The following RIC8B variants were observed in gnomAD, a reference collection of about 807,000 sequenced individuals.
RIC8B encodes chaperone Ric-8B.
Under a neutral mutation model 57.5 loss-of-function variants are expected in RIC8B, and 16 were observed. The observed-to-expected ratio is 0.28, with a 90% confidence interval of 0.19 to 0.42. The LOEUF is 0.42. Among genes scored for constraint, RIC8B ranks in the 10% least tolerant of loss-of-function variants. The pLI is 1.00. For synonymous variants in RIC8B, 216 were observed against 250.8 expected (o/e 0.86, Z 1.31); for missense variants, 481 against 677.0 (o/e 0.71, Z 3.21).
intron 4 of RIC8B, among the ~76,000 whole-genome samples, chr12:106,830,668 A>G (rs2046315763): frequency 6.6e-6 from 1 of 152,172 alleles, no homozygotes; most frequent in African/African-American, 2.4e-5. Context: ...ATAGCTGAAC[A>G]CTGGTCTTAG....
At chr12:106,799,981 C>G (rs891630814) in intron 2 of RIC8B, among the ~76,000 whole-genome samples, 24 of 152,222 alleles carry the variant, frequency 1.6e-4, no homozygotes, top group African/African-American at 5.5e-4. Flanking sequence ...GATTTCCTTT[C>G]GAAGCCTTTT....
chr12:106,872,445 G>A (rs1435947051), intron 9 of RIC8B, among the ~76,000 whole-genome samples: 1 of 152,060 alleles, frequency 6.6e-6, no homozygotes, highest in African/African-American at 2.4e-5. Flanking sequence ...GAGGCAGGTG[G>A]ATCACCTGAG....
chr12:106,814,582 A>T (rs1055707282), intron 2 of RIC8B, 114 bp from the exon 3 acceptor site: 5 of 1,138,722 alleles, frequency 4.4e-6, no homozygotes, highest in Non-Finnish European at 6.2e-6. Context: ...AAAATAATAA[A>T]AACCTTTTCT....
chr12:106,843,007 A>G (rs1276070849), intron 5 of RIC8B, among the ~76,000 whole-genome samples, 190 bp downstream of exon 5: 1 of 152,176 alleles, frequency 6.6e-6, no homozygotes, highest in Admixed American at 6.5e-5. Flanking sequence ...AGCCATGTTA[A>G]TTTATTTGTT....
intron 9 of RIC8B, among the ~76,000 whole-genome samples, chr12:106,885,476 A>G (rs1305387258): frequency 6.6e-6 from 1 of 152,054 alleles, no homozygotes; most frequent in Admixed American, 6.6e-5. Context: ...CATTGAATGA[A>G]GTGTATGCAT....
In RIC8B at chr12:106,856,607, T is replaced by C. The variant is rs114913932; in HGVS notation, c.1307-3661T>C. Among the ~76,000 whole-genome samples, 1,497 of 152,292 alleles carry C rather than the reference T, an allele frequency of 9.8e-3. 25 individuals are homozygous for C. The highest frequency in any genetic ancestry group is 0.034 in the African/African-American group (1,429 of 41,538). ...AGACCTTCCAGGCAGAGTTCGTCAT[T>C]TTCTCCTTTGTGCCATTTTTCCTTC... On this transcript the variant is annotated intron_variant, in intron 7 of 9. Coordinates refer to ENST00000392837, the MANE Select transcript of RIC8B (RefSeq NM_001330145.2).
At chr12:106,870,630 A>G (rs1420329834) in intron 8 of RIC8B, among the ~76,000 whole-genome samples, 193 bp from the exon 9 acceptor site, 1 of 152,048 alleles carries the variant, frequency 6.6e-6, no homozygotes, top group African/African-American at 2.4e-5. Flanking sequence ...AGTATAGCCC[A>G]TTTCCCAAAG....
At chr12:106,834,529 T>C (rs2046497266) in intron 4 of RIC8B, among the ~76,000 whole-genome samples, 1 of 152,186 alleles carries the variant, frequency 6.6e-6, no homozygotes, top group East Asian at 1.9e-4. Flanking sequence ...CTTCTCTCAA[T>C]TTTAATACTT....
At chr12:106,788,157 A>T (rs951426155) in intron 2 of RIC8B, among the ~76,000 whole-genome samples, 3 of 152,212 alleles carry the variant, frequency 2.0e-5, no homozygotes, top group Non-Finnish European at 4.4e-5. Flanking sequence ...GCAGGGCAGT[A>T]AAATTTTAAA....
chr12:106,886,578 C>G lies in RIC8B; in HGVS notation c.*563C>G, dbSNP rs549063708. 6.5e-6 allele frequency: 1 copy of G among 152,758 alleles called. No homozygotes were observed. Among genetic ancestry groups the G allele is most frequent in the South Asian group, 2.1e-4 (1 of 4,832 alleles). The allele number at this position is 152,758 out of a possible 1,614,324, so 9.5% of individuals were successfully genotyped here. ...ACACACACAGCCTCAGACTTACAAACTGATTATACTCTAAAAGTTTGTATG... is the reference window on the plus strand; with the variant it reads ...ACACACACAGCCTCAGACTTACAAAGTGATTATACTCTAAAAGTTTGTATG... On this transcript the variant is annotated 3_prime_UTR_variant, in exon 10 of 10. Transcript: ENST00000392837.
chr12:106,837,268 AG>A (rs1442458640), intron 4 of RIC8B, among the ~76,000 whole-genome samples: 13 of 152,254 alleles, frequency 8.5e-5, no homozygotes, highest in African/African-American at 2.9e-4. Context: ...AGGCTGAGGC[AG>A]GAGAATCGCT....
At chr12:106,828,751 A>AT (rs2136344840) in intron 4 of RIC8B, among the ~76,000 whole-genome samples, 1 of 152,342 alleles carries the variant, frequency 6.6e-6, no homozygotes, top group African/African-American at 2.4e-5. Context: ...TATGATAAAC[A>AT]TACTGGATTT....
chr12:106,817,230 T>C (rs1422837091), intron 3 of RIC8B, among the ~76,000 whole-genome samples: 3 of 152,220 alleles, frequency 2.0e-5, no homozygotes, highest in Admixed American at 2.0e-4. Context: ...GCATTGTCTT[T>C]GCCTTCATGA....
chr12:106,863,970 A>G (rs1950037228), intron 8 of RIC8B, among the ~76,000 whole-genome samples: 1 of 152,114 alleles, frequency 6.6e-6, no homozygotes, highest in Admixed American at 6.6e-5. Flanking sequence ...ATATATATTC[A>G]GTATGTATAA....
chr12:106,818,630 T>G (rs1425667866), intron 3 of RIC8B, among the ~76,000 whole-genome samples: 2 of 152,108 alleles, frequency 1.3e-5, no homozygotes, highest in African/African-American at 2.4e-5. Flanking sequence ...TTTTATTCTT[T>G]TAAGACGTGG....
chr12:106,802,485 A>G (rs1033317460), intron 2 of RIC8B, among the ~76,000 whole-genome samples: 5 of 152,032 alleles, frequency 3.3e-5, no homozygotes, highest in Non-Finnish European at 5.9e-5. Flanking sequence ...TTTAAAGAGA[A>G]AGTGGCAGAC....
Position 106,814,979 on chromosome 12 carries a change from A to G in RIC8B, c.416A>G (p.Asn139Ser). Reference protein sequence around the residue: ...QMAQQLSLELNLAAKLCNLLR... With the variant: ...QMAQQLSLELSLAAKLCNLLR... ...GCACAGCAGCTCAGCCTGGAACTTA[A>G]TCTTGCTGCAAAGCTCTGTAACCTC... The change falls in exon 3 of 10, where the codon AAT becomes AGT. Residue 139 changes from asparagine (N) to serine (S), a missense_variant. Coordinates refer to ENST00000392837, the MANE Select transcript of RIC8B (RefSeq NM_001330145.2). 1 of 1,614,206 alleles carries G rather than the reference A, an allele frequency of 6.2e-7. No homozygotes were observed. The highest frequency in any genetic ancestry group is 2.2e-5 in the East Asian group (1 of 44,888).
Position 106,867,078 on chromosome 12 carries a change from C to T in RIC8B, c.1452-3745C>T, listed in dbSNP as rs1159397434. Among the ~76,000 whole-genome samples the T allele has an allele frequency of 2.6e-5, 4 of 152,192 alleles. No homozygotes were observed. The highest frequency in any genetic ancestry group is 4.1e-4 in the South Asian group (2 of 4,822). The stretch of plus-strand genomic sequence containing the variant: ...AGATTGAAGTTAATTTTCATATAGC[C>T]GAATTAAGTTTTAATGGATCTTTTT... On this transcript the variant is annotated intron_variant, in intron 8 of 9. Coordinates refer to ENST00000392837, the MANE Select transcript of RIC8B (RefSeq NM_001330145.2). This position sits in a 1 kb window ranked among gnomAD's most constrained non-coding sequence, Gnocchi z 4.3.
intron 4 of RIC8B, among the ~76,000 whole-genome samples, chr12:106,841,440 T>G (rs1311001636): frequency 6.6e-6 from 1 of 152,166 alleles, no homozygotes; most frequent in African/African-American, 2.4e-5. Flanking sequence ...AAGAAAAATT[T>G]TTGTATTTCT....
Sources: gnomAD v4.1 joint callset for allele counts (sites outside exome capture counted in the v4.1 genomes callset) on GRCh38, gnomAD v4.1.1 for gene constraint, Gnocchi (gnomAD v3.1) non-coding constraint, MANE v1.5 for transcripts, NCBI Gene and HGNC (gene_info 2026-07-23, HGNC 2026-07-21) for gene names.